Variants in EYS observed in about 807,000 individuals in gnomAD.
EYS encodes protein eyes shut homolog.
Under a neutral mutation model 282.1 loss-of-function variants are expected in EYS, and 250 were observed. The observed-to-expected ratio is 0.89, with a 90% CI of 0.80 to 0.98. EYS has a LOEUF of 0.98. EYS is among the 50% of genes least tolerant of loss of function. The pLI, the probability that EYS is intolerant of heterozygous loss-of-function variation, is 0.00. For missense variants in EYS, 4,016 were observed against 3,709.0 expected (o/e 1.08, Z -2.15); for synonymous variants, 1,355 against 1,282.9 (o/e 1.06, Z -1.20).
chr6:65,298,498 C>T (rs1018320145), intron 11 of EYS, among the ~76,000 whole-genome samples: 14 of 151,924 alleles, frequency 9.2e-5, no homozygotes, highest in Non-Finnish European at 5.9e-5. Flanking sequence ...ATATTGACCA[C>T]TTGATGTTTG....
At chr6:65,396,824 C>G (rs535609905) in intron 7 of EYS, among the ~76,000 whole-genome samples, 1 of 151,958 alleles carries the variant, frequency 6.6e-6, no homozygotes, top group Non-Finnish European at 1.5e-5. Context: ...ATTCAACAAC[C>G]ACACATTCAA....
At chr6:65,157,086 C>A (rs1160891144) in intron 12 of EYS, among the ~76,000 whole-genome samples, 1 of 151,070 alleles carries the variant, frequency 6.6e-6, no homozygotes, top group East Asian at 2.0e-4. Flanking sequence ...GTTTTGACTT[C>A]ATTGACTCCT....
chr6:63,844,417 T>A (rs1028811124), intron 36 of EYS, among the ~76,000 whole-genome samples: 2 of 152,204 alleles, frequency 1.3e-5, no homozygotes, highest in African/African-American at 4.8e-5. Context: ...TCTAAGTCTT[T>A]GAGGAATGTC....
intron 5 of EYS, among the ~76,000 whole-genome samples, chr6:65,447,426 G>A (rs558465530): frequency 1.8e-4 from 26 of 148,374 alleles, no homozygotes; most frequent in African/African-American, 6.1e-4. Context: ...ACTGTACTGA[G>A]TCATAAATCT....
At chr6:65,404,915 T>C (rs1766662248) in intron 6 of EYS, among the ~76,000 whole-genome samples, 1 of 151,846 alleles carries the variant, frequency 6.6e-6, no homozygotes, top group Non-Finnish European at 1.5e-5. Flanking sequence ...ATTGAATAAC[T>C]AAAAGATGAA....
chr6:63,821,540 G>A (rs1485619337), intron 36 of EYS: 1 of 152,258 alleles, frequency 6.6e-6, no homozygotes, highest in African/African-American at 2.4e-5. Context: ...ACAGGTGGGA[G>A]ATTAATTGAC....
chr6:65,150,826 T>A (rs1764594604), intron 12 of EYS, among the ~76,000 whole-genome samples: 1 of 152,038 alleles, frequency 6.6e-6, no homozygotes. Flanking sequence ...TAATAATGTT[T>A]AATACTTATT....
At chr6:63,871,000 C>A (rs938731018) in intron 35 of EYS, among the ~76,000 whole-genome samples, 1 of 152,194 alleles carries the variant, frequency 6.6e-6, no homozygotes, top group African/African-American at 2.4e-5. Context: ...AGTGACTTCA[C>A]TTCCTACTCT....
At chr6:64,602,242 T>C (rs1280952483) in intron 24 of EYS, among the ~76,000 whole-genome samples, 1 of 152,108 alleles carries the variant, frequency 6.6e-6, no homozygotes, top group Non-Finnish European at 1.5e-5. Flanking sequence ...CAATTAGTGT[T>C]TGTTGAATGA....
At chr6:65,479,630 A>C (rs1435533453) in intron 5 of EYS, among the ~76,000 whole-genome samples, 2 of 152,194 alleles carry the variant, frequency 1.3e-5, no homozygotes, top group African/African-American at 4.8e-5. Context: ...CCATATATTA[A>C]AAATTAAACC....
chr6:65,620,573 G>C (rs1417308472), intron 2 of EYS, among the ~76,000 whole-genome samples: 1 of 150,550 alleles, frequency 6.6e-6, no homozygotes, highest in Non-Finnish European at 1.5e-5. Context: ...TCTGATTTTA[G>C]TTATTTCTTG....
chr6:64,273,676 T>C (rs1232124835), intron 30 of EYS, among the ~76,000 whole-genome samples: 3 of 152,200 alleles, frequency 2.0e-5, no homozygotes, highest in African/African-American at 7.2e-5. Flanking sequence ...TACTAGATTA[T>C]ATTTCAGTGC....
At chr6:65,058,685 C>A (rs1773486004) in intron 12 of EYS, among the ~76,000 whole-genome samples, 1 of 150,744 alleles carries the variant, frequency 6.6e-6, no homozygotes, top group Admixed American at 6.7e-5. Context: ...TTGTCCAATT[C>A]ATATTTTCAT....
At chr6:63,908,040 G>A (rs1269843514) in intron 35 of EYS, among the ~76,000 whole-genome samples, 178 of 40,346 alleles carry the variant, frequency 4.4e-3, no homozygotes, top group African/African-American at 0.035. Flanking sequence ...ATACGTTTGT[G>A]TGTGTGTGTG....
At chr6:64,034,265 A>G (rs1562165445) in intron 33 of EYS, among the ~76,000 whole-genome samples, 1 of 152,236 alleles carries the variant, frequency 6.6e-6, no homozygotes, top group Non-Finnish European at 1.5e-5. Flanking sequence ...TACTAGTACT[A>G]CCACCACAAC....
intron 31 of EYS, among the ~76,000 whole-genome samples, chr6:64,227,192 A>T (rs1333519541): frequency 6.6e-6 from 1 of 152,086 alleles, no homozygotes; most frequent in African/African-American, 2.4e-5. Context: ...TTATGAAAAG[A>T]TATGACCACT....
chr6:65,470,376 T>A (rs1382268338), intron 5 of EYS, among the ~76,000 whole-genome samples: 2 of 152,166 alleles, frequency 1.3e-5, no homozygotes, highest in Non-Finnish European at 2.9e-5. Flanking sequence ...TTGCCCAACA[T>A]GTAGCAAGTA....
intron 37 of EYS, among the ~76,000 whole-genome samples, chr6:63,791,546 C>A (rs962542974): frequency 2.7e-5 from 4 of 149,604 alleles, no homozygotes; most frequent in African/African-American, 9.9e-5. Flanking sequence ...CCACTGCACT[C>A]CAGCCTGGGC....
At chr6:64,840,392 T>C (rs1305866780) in intron 19 of EYS, among the ~76,000 whole-genome samples, 1 of 152,126 alleles carries the variant, frequency 6.6e-6, no homozygotes, top group Non-Finnish European at 1.5e-5. Context: ...TAATAGAGGA[T>C]GTTATGAAAA....
Sources: allele counts gnomAD v4.1 joint callset (sites outside exome capture counted in the v4.1 genomes callset), GRCh38; gene constraint gnomAD v4.1.1; transcripts MANE v1.5; gene names NCBI Gene and HGNC (gene_info 2026-07-23, HGNC 2026-07-21).